Variants in MRE11 observed in about 807,000 individuals in gnomAD.
MRE11 encodes the protein MRE11 double strand break repair nuclease, also known as double-strand break repair protein MRE11.
A neutral mutation model predicts 91.7 loss-of-function variants in MRE11; 62 were observed. That is an observed-to-expected ratio of 0.68 (90% confidence interval 0.55 to 0.84). The LOEUF (loss-of-function observed/expected upper bound fraction) is 0.84, where lower values mean the gene tolerates loss of function less well. Among genes scored for constraint, MRE11 ranks in the 40% least tolerant of loss-of-function variants. The probability of loss-of-function intolerance (pLI) is 0.00; values close to 1 mark genes in which losing one functional copy is unlikely to be tolerated. For missense variants in MRE11, 796 were observed against 852.9 expected (o/e 0.93, Z 0.83); for synonymous variants, 273 against 271.4 (o/e 1.01, Z -0.06).
chr11:94,481,601 G>T (rs559118744), intron 4 of MRE11, among the ~76,000 whole-genome samples: 2 of 152,134 alleles, frequency 1.3e-5, no homozygotes, highest in Admixed American at 1.3e-4. Context: ...CCCACACCTA[G>T]ATTTTTAAAA....
chr11:94,419,501 A>G lies in MRE11; in HGVS notation c.*624T>C. Reference sequence around the variant, plus strand: ...GAGAGAGAGAGAGAGAGAGAACACCATTAAGGATACAGAATAATAAAGGAA... The same window carrying G: ...GAGAGAGAGAGAGAGAGAGAACACCGTTAAGGATACAGAATAATAAAGGAA... On this transcript the variant is annotated 3_prime_UTR_variant, in exon 20 of 20. Coordinates refer to ENST00000323929, the MANE Select transcript of MRE11 (RefSeq NM_005591.4). 1 of 230,820 alleles carries G rather than the reference A, an allele frequency of 4.3e-6. No individual in the cohort carries two copies. Among genetic ancestry groups the G allele is most frequent in the Non-Finnish European group, 8.5e-6 (1 of 117,046 alleles). 14.3% of individuals were successfully genotyped at this position (230,820 alleles called of 1,614,324 possible).
intron 14 of MRE11, among the ~76,000 whole-genome samples, chr11:94,449,479 A>G (rs1946035765): frequency 6.6e-6 from 1 of 152,202 alleles, no homozygotes; most frequent in African/African-American, 2.4e-5. Context: ...GGCATCATTT[A>G]TGGAGACGCA....
chr11:94,470,502 G>T lies in MRE11; in HGVS notation c.986C>A (p.Thr329Asn), dbSNP rs370645480. The T allele has an allele frequency of 3.7e-6, 6 of 1,613,030 alleles. No homozygotes were observed. Among genetic ancestry groups the T allele is most frequent in the Non-Finnish European group, 5.1e-6 (6 of 1,179,224 alleles). Residue 329 changes from threonine to asparagine, a missense_variant, in exon 9 of 20, where the codon ACC (threonine) becomes AAC (asparagine). Transcript: ENST00000323929. ...CAAACAGAAGCTTTGTATGGCTTGG[G>T]TTACTTTAGGATTATCTGGGTTAAA... ...DIFNPDNPKV[T>N]QAIQSFCLEK... is the part of the protein sequence containing the mutation.
At chr11:94,451,983 A>C (rs1015228398) in intron 14 of MRE11, among the ~76,000 whole-genome samples, 3 of 152,144 alleles carry the variant, frequency 2.0e-5, no homozygotes, top group African/African-American at 7.2e-5. Flanking sequence ...AGGCGGGTGG[A>C]TCACCTAAGG....
chr11:94,488,839 G>C (rs1001158990), intron 3 of MRE11, among the ~76,000 whole-genome samples: 6 of 152,044 alleles, frequency 3.9e-5, no homozygotes, highest in Non-Finnish European at 7.4e-5. Flanking sequence ...TAATGAATGG[G>C]TACTAGGATT....
Position 94,415,931 on chromosome 11 carries a change from CTCCTG to C in MRE11, c.*4189_*4193del, listed in dbSNP as rs1945023604. 6.6e-6 allele frequency: 1 copy of C among 152,306 alleles called. No homozygotes were observed. The highest frequency in any genetic ancestry group is 1.5e-5 in the Non-Finnish European group (1 of 68,152). The allele number at this position is 152,306 out of a possible 1,614,324, so 9.4% of individuals were successfully genotyped here. ...GTTCAAGCAATTCTCCTGCCTCAGC[CTCCTG>C]AGTAGTTGGGATTACAGGCGCCCAC... is the stretch of plus-strand genomic sequence containing the variant. On this transcript the variant is annotated 3_prime_UTR_variant, in exon 20 of 20. Transcript: ENST00000323929.
rs35673778 is a variant in MRE11, at chr11:94,441,977, C to CAAAAAAAAAA, written c.1867+3823_1867+3832dup. On this transcript the variant is annotated intron_variant, in intron 16 of 19. Coordinates refer to ENST00000323929, the MANE Select transcript of MRE11 (RefSeq NM_005591.4). ...TAGGCGACAGAGAGAGACTCTGTCT[C>CAAAAAAAAAA]AAAAAAAAAAAAAAAAAAAAAAAGT... 2.9e-4 allele frequency among the ~76,000 whole-genome samples: 14 copies of CAAAAAAAAAA among 48,198 alleles called. 1 individual carries two copies. The highest frequency in any genetic ancestry group is 4.7e-4 in the Admixed American group (2 of 4,254). 31.6% of individuals were successfully genotyped at this position (48,198 alleles called of 152,430 possible).
Position 94,484,066 on chromosome 11 carries a change from G to A in MRE11, c.314+1858C>T, listed in dbSNP as rs372716104. The stretch of plus-strand genomic sequence containing the variant: ...AAGAAATGGCTGAGTCTGAAGACAA[G>A]AAAGACAAAGTAAAAAATCAGAAGA... On this transcript the variant is annotated intron_variant, in intron 4 of 19. Transcript: ENST00000323929. Among the ~76,000 whole-genome samples, 3 of 152,130 alleles carry A rather than the reference G, an allele frequency of 2.0e-5. No individual in the cohort carries two copies. In the East Asian group the frequency reaches 5.8e-4, roughly 29 times the overall value.
At chr11:94,441,290 C>A (rs1349479136) in intron 16 of MRE11, among the ~76,000 whole-genome samples, 1 of 152,192 alleles carries the variant, frequency 6.6e-6, no homozygotes, top group African/African-American at 2.4e-5. Context: ...AGTGACTGAA[C>A]CTGCATTTTA....
chr11:94,469,228 G>C (rs1395518010), intron 9 of MRE11, among the ~76,000 whole-genome samples: 4 of 152,110 alleles, frequency 2.6e-5, no homozygotes, highest in Non-Finnish European at 5.9e-5. Context: ...ACCTCAACCA[G>C]AGGTGACTTT....
chr11:94,442,667 T>C (rs1229887993), intron 16 of MRE11, among the ~76,000 whole-genome samples: 2 of 152,246 alleles, frequency 1.3e-5, no homozygotes, highest in Non-Finnish European at 2.9e-5. Flanking sequence ...AAAAGAACAC[T>C]TGATAAATGC....
At chr11:94,448,518 G>A (rs1279400720) in intron 14 of MRE11, among the ~76,000 whole-genome samples, 1 of 152,068 alleles carries the variant, frequency 6.6e-6, no homozygotes, top group East Asian at 1.9e-4. Context: ...GATCGCTCAA[G>A]CCTGGGGGAA....
At chr11:94,432,663 CGGG>C (rs1380886980) in intron 18 of MRE11, among the ~76,000 whole-genome samples, 12 of 152,072 alleles carry the variant, frequency 7.9e-5, no homozygotes, top group African/African-American at 2.9e-4. Context: ...AAAAATTAGC[CGGG>C]CATGGTGGCA....
At chr11:94,457,717 T>C (rs1052242630) in intron 13 of MRE11, among the ~76,000 whole-genome samples, 4 of 152,150 alleles carry the variant, frequency 2.6e-5, no homozygotes. Context: ...GGGCCTATTA[T>C]CATCACCATT....
chr11:94,436,155 C>T (rs1427091801), intron 17 of MRE11, among the ~76,000 whole-genome samples: 5 of 152,196 alleles, frequency 3.3e-5, no homozygotes, highest in Non-Finnish European at 7.4e-5. Flanking sequence ...AACACAGTTA[C>T]ACTGGTGAAT....
chr11:94,484,760 A>G (rs932475286), intron 4 of MRE11, among the ~76,000 whole-genome samples: 6 of 152,234 alleles, frequency 3.9e-5, no homozygotes, highest in African/African-American at 1.4e-4. Flanking sequence ...CATAGAAAGC[A>G]GGAGAAAATA....
chr11:94,454,073 A>ATT (rs763249653), intron 14 of MRE11, among the ~76,000 whole-genome samples: 10 of 138,744 alleles, frequency 7.2e-5, no homozygotes, highest in African/African-American at 1.1e-4. Context: ...TGAACAAAAG[A>ATT]TTTTTTTTTT....
chr11:94,508,288 C>T, the MRE11 span, among the ~76,000 whole-genome samples: 1 of 152,134 alleles, frequency 6.6e-6, no homozygotes, highest in Admixed American at 6.6e-5. Context: ...ATATCTATTG[C>T]CTTCTTTTGA....
rs374698305 is a variant in MRE11 at position 94,470,427 on chromosome 11, C to A, written c.1017+44G>T. ...ATTACTTAATTGAAGGTGAATAATT[C>A]TTCAACTAAAGTAGATCTCATTGAC... On this transcript the variant is annotated intron_variant, in intron 9 of 19. Coordinates refer to ENST00000323929, the MANE Select transcript of MRE11 (RefSeq NM_005591.4). The A allele has an allele frequency of 3.8e-6, 6 of 1,578,944 alleles. No individual in the cohort carries two copies. In the African/African-American group the frequency reaches 8.1e-5, roughly 21 times the overall value.
Sources: gnomAD v4.1 joint callset for allele counts (sites outside exome capture counted in the v4.1 genomes callset) on GRCh38, gnomAD v4.1.1 for gene constraint, MANE v1.5 for transcripts, NCBI Gene and HGNC (gene_info 2026-07-23, HGNC 2026-07-21) for gene names.